Variants in PLA2G4E observed in about 807,000 individuals in gnomAD.
The protein encoded by PLA2G4E is cytosolic phospholipase A2 epsilon.
A neutral mutation model predicts 109.1 loss-of-function variants in PLA2G4E; 84 were observed. The ratio of observed to expected loss-of-function variants is 0.77; its 90% CI spans 0.65 to 0.92. The LOEUF (loss-of-function observed/expected upper bound fraction) is 0.92, where lower values mean the gene tolerates loss of function less well. Ranked by LOEUF, PLA2G4E falls within the 40% of genes least tolerant of loss-of-function variation. The pLI, the probability that PLA2G4E is intolerant of heterozygous loss-of-function variation, is 0.00. For synonymous variants in PLA2G4E, 469 were observed against 436.1 expected (o/e 1.08, Z -0.94); for missense variants, 1,057 against 1,076.6 (o/e 0.98, Z 0.25).
intron 12 of PLA2G4E, 63 bp from the exon 13 acceptor site, chr15:41,993,022 C>T (rs778741758): frequency 5.5e-5 from 78 of 1,430,510 alleles, no homozygotes; most frequent in African/African-American, 4.1e-4. Context: ...GTCCTGGACC[C>T]GGGCAGGAGG....
At position 41,990,316 on chromosome 15, in the gene PLA2G4E, A is replaced by G. The variant is rs1595558426; in HGVS notation, c.1471-81T>C. On this transcript the variant is annotated intron_variant, in intron 13 of 19. Transcript: ENST00000399518. Reference sequence around the variant, plus strand: ...AGTGCAGAATGAGAAGACAATCTGGACCCCCGCAGCCACTTCCTGGCTCCT... The same window carrying G: ...AGTGCAGAATGAGAAGACAATCTGGGCCCCCGCAGCCACTTCCTGGCTCCT... 3 of 1,271,958 alleles carry G rather than the reference A, an allele frequency of 2.4e-6. No individual in the cohort carries two copies. In the African/African-American group the frequency reaches 4.4e-5, roughly 19 times the overall value. The allele number at this position is 1,271,958 out of a possible 1,614,324, so 78.8% of individuals were successfully genotyped here.
intron 1 of PLA2G4E, among the ~76,000 whole-genome samples, chr15:42,026,934 C>A (rs2068697485): frequency 6.6e-6 from 1 of 150,784 alleles, no homozygotes; most frequent in Non-Finnish European, 1.5e-5. Flanking sequence ...GATCACACCA[C>A]TGCCCTCCAA....
intron 1 of PLA2G4E, among the ~76,000 whole-genome samples, chr15:42,049,924 T>G (rs575864646): frequency 6.6e-6 from 1 of 152,210 alleles, no homozygotes; most frequent in Non-Finnish European, 1.5e-5. Flanking sequence ...TGCTGTTTGA[T>G]TTCTGTAGCC....
At chr15:42,003,884 TTTCCTTCCTTTCCTTGCTTTCC>T (rs1595565524) in intron 5 of PLA2G4E, among the ~76,000 whole-genome samples, 1 of 151,026 alleles carries the variant, frequency 6.6e-6, no homozygotes, top group Non-Finnish European at 1.5e-5. Flanking sequence ...TCTTTCTTCC[TTTCCTTCCTTTCCTTGCTTTCC>T]TTCCTTCCTT....
At chr15:42,042,933 G>A (rs1165040998) in intron 1 of PLA2G4E, among the ~76,000 whole-genome samples, 1 of 152,228 alleles carries the variant, frequency 6.6e-6, no homozygotes, top group Non-Finnish European at 1.5e-5. Flanking sequence ...GCACCAGAAA[G>A]GGTTAGACTG....
intron 1 of PLA2G4E, among the ~76,000 whole-genome samples, chr15:42,049,965 T>A (rs1050601317): frequency 1.3e-5 from 2 of 152,220 alleles, no homozygotes; most frequent in Admixed American, 6.5e-5. Flanking sequence ...AATTGCGTAT[T>A]TGCTCATAGG....
intron 1 of PLA2G4E, among the ~76,000 whole-genome samples, chr15:42,034,285 T>C (rs905699597): frequency 3.9e-5 from 6 of 152,204 alleles, no homozygotes; most frequent in Non-Finnish European, 8.8e-5. Flanking sequence ...AGACCCGGAG[T>C]ACTCCTAGGC....
At chr15:41,995,387 T>C in exon 12 of PLA2G4E, 1 of 1,613,548 alleles carries the variant, frequency 6.2e-7, no homozygotes, top group Non-Finnish European at 8.5e-7. Context: ...ACCGGTGATG[T>C]AGCTGGCACA....
chr15:42,016,090 T>C (rs979719581), intron 1 of PLA2G4E, among the ~76,000 whole-genome samples: 2 of 152,182 alleles, frequency 1.3e-5, no homozygotes, highest in Admixed American at 6.5e-5. Context: ...AATGTTCTAC[T>C]CCGTGTTGCC....
At chr15:41,982,007 C>A (rs2068074172) in exon 20 of PLA2G4E, 2 of 152,266 alleles carry the variant, frequency 1.3e-5, no homozygotes, top group Middle Eastern at 3.4e-3. Context: ...AAAAATGCAG[C>A]TTCTAATTTA....
At chr15:42,013,878 G>T in intron 1 of PLA2G4E, 121 bp from the exon 2 acceptor site, 1 of 404,226 alleles carries the variant, frequency 2.5e-6, no homozygotes, top group Non-Finnish European at 4.2e-6. Context: ...CAACCCCTAG[G>T]CTGGTTTTTT....
chr15:42,002,662 C>T (rs376852091), exon 6 of PLA2G4E: 38 of 1,585,326 alleles, frequency 2.4e-5, no homozygotes, highest in South Asian at 1.2e-4. Context: ...ACCACCAGCA[C>T]GCCATTGGTG....
At chr15:42,020,730 G>A (rs1436437108) in intron 1 of PLA2G4E, among the ~76,000 whole-genome samples, 2 of 152,192 alleles carry the variant, frequency 1.3e-5, no homozygotes, top group African/African-American at 4.8e-5. Flanking sequence ...CCAAGCAGGA[G>A]CCCTGGCCCC....
At chr15:42,023,586 T>G (rs2068667436) in intron 1 of PLA2G4E, among the ~76,000 whole-genome samples, 2 of 151,950 alleles carry the variant, frequency 1.3e-5, no homozygotes, top group South Asian at 4.2e-4. Flanking sequence ...ACAAGCTAAG[T>G]CCAGGAGTTT....
chr15:42,003,994 G>A (rs2068447662), intron 5 of PLA2G4E, among the ~76,000 whole-genome samples: 1 of 151,936 alleles, frequency 6.6e-6, no homozygotes, highest in African/African-American at 2.4e-5. Context: ...ATGTCTCCAG[G>A]ATCCTGGATC....
intron 1 of PLA2G4E, among the ~76,000 whole-genome samples, chr15:42,022,233 GA>G (rs2068655304): frequency 6.6e-6 from 1 of 152,206 alleles, no homozygotes; most frequent in African/African-American, 2.4e-5. Flanking sequence ...CCTGTGGTGA[GA>G]GGGGGCATCT....
At chr15:42,044,072 T>G (rs1889366294) in intron 1 of PLA2G4E, among the ~76,000 whole-genome samples, 1 of 152,232 alleles carries the variant, frequency 6.6e-6, no homozygotes, top group East Asian at 1.9e-4. Context: ...GAGCACCTCC[T>G]AAATGCTAGG....
At chr15:42,035,595 A>G (rs1889199634) in intron 1 of PLA2G4E, among the ~76,000 whole-genome samples, 1 of 152,178 alleles carries the variant, frequency 6.6e-6, no homozygotes, top group Non-Finnish European at 1.5e-5. Flanking sequence ...AAATCATGTC[A>G]TATGCAAATC....
chr15:42,005,549 G>A (rs1257813394), intron 4 of PLA2G4E, among the ~76,000 whole-genome samples: 1 of 152,204 alleles, frequency 6.6e-6, no homozygotes, highest in Non-Finnish European at 1.5e-5. Context: ...ACAGCATCCT[G>A]GGGGCTCCAG....
Sources: gnomAD v4.1 joint callset for allele counts (sites outside exome capture counted in the v4.1 genomes callset) on GRCh38, gnomAD v4.1.1 for gene constraint, MANE v1.5 for transcripts, NCBI Gene and HGNC (gene_info 2026-07-23, HGNC 2026-07-21) for gene names.